The following TESC variants were observed in gnomAD, a reference collection of about 807,000 sequenced individuals.
TESC encodes calcineurin B homologous protein 3.
A neutral mutation model predicts 31.0 loss-of-function variants in TESC; 19 were observed. That is an observed-to-expected ratio of 0.61 (90% CI 0.43 to 0.90). The LOEUF (loss-of-function observed/expected upper bound fraction) is 0.90, where lower values mean the gene tolerates loss of function less well. TESC is among the 40% of genes least tolerant of loss of function. TESC has a pLI of 0.00. For missense variants in TESC, 248 were observed against 303.8 expected (o/e 0.82, Z 1.36); for synonymous variants, 109 against 114.8 (o/e 0.95, Z 0.32).
At chr12:117,090,031 C>CA (rs996237901) in intron 1 of TESC, among the ~76,000 whole-genome samples, 1 of 151,388 alleles carries the variant, frequency 6.6e-6, no homozygotes, top group Admixed American at 6.6e-5. Flanking sequence ...GCAACAAGAC[C>CA]AAAAACGAAT....
At chr12:117,065,251 G>T (rs1246262083) in intron 2 of TESC, among the ~76,000 whole-genome samples, 1 of 152,192 alleles carries the variant, frequency 6.6e-6, no homozygotes, top group Non-Finnish European at 1.5e-5. Flanking sequence ...TGTTGGGGTA[G>T]CCCAGGCCAG....
At chr12:117,070,652 T>C (rs150499085) in intron 2 of TESC, among the ~76,000 whole-genome samples, 30 of 152,150 alleles carry the variant, frequency 2.0e-4, no homozygotes, top group African/African-American at 6.8e-4. Context: ...CCTCCACTTA[T>C]GAGCTGTGTG....
intron 3 of TESC, among the ~76,000 whole-genome samples, chr12:117,053,740 G>A (rs147249965): frequency 2.5e-4 from 38 of 151,974 alleles, no homozygotes; most frequent in African/African-American, 6.8e-4. Context: ...TCTCGCGTGC[G>A]CGCGCACGCG....
intron 4 of TESC, among the ~76,000 whole-genome samples, chr12:117,047,071 C>G (rs1313259538): frequency 1.3e-5 from 2 of 152,220 alleles, no homozygotes; most frequent in Non-Finnish European, 2.9e-5. Flanking sequence ...ATGGGAATAA[C>G]AACAGTGTCT....
intron 2 of TESC, 25 bp from the exon 3 acceptor site, chr12:117,056,911 C>G: frequency 6.2e-7 from 1 of 1,611,476 alleles, no homozygotes; most frequent in Non-Finnish European, 8.5e-7. Flanking sequence ...GGAGAGATAC[C>G]GGGAAGAGAA....
chr12:117,095,096 G>A (rs545034511), intron 1 of TESC, among the ~76,000 whole-genome samples: 7 of 151,688 alleles, frequency 4.6e-5, no homozygotes, highest in Non-Finnish European at 7.4e-5. Context: ...TTTTTTGTGA[G>A]ATGGAGTTCA....
intron 2 of TESC, among the ~76,000 whole-genome samples, chr12:117,071,772 C>A (rs540503963): frequency 2.6e-5 from 4 of 152,152 alleles, no homozygotes; most frequent in Non-Finnish European, 5.9e-5. Flanking sequence ...GCAGGTGAGG[C>A]CTGGGAGGTA....
At chr12:117,063,561 C>T (rs1954828429) in intron 2 of TESC, among the ~76,000 whole-genome samples, 1 of 152,192 alleles carries the variant, frequency 6.6e-6, no homozygotes, top group African/African-American at 2.4e-5. Flanking sequence ...GCTCCCCAAC[C>T]CCCACCAACC....
chr12:117,090,309 A>G (rs1186709726), intron 1 of TESC, among the ~76,000 whole-genome samples: 1 of 152,264 alleles, frequency 6.6e-6, no homozygotes, highest in Non-Finnish European at 1.5e-5. Context: ...AAGGTCCCCA[A>G]TTATGAGCAC....
intron 6 of TESC, 67 bp from the exon 7 acceptor site, chr12:117,042,061 G>A (rs181131029): frequency 1.6e-5 from 24 of 1,500,882 alleles, no homozygotes; most frequent in South Asian, 1.2e-4. Context: ...GCAGGGGGAC[G>A]GTCCACTGGC....
At chr12:117,069,983 C>A (rs1248112224) in intron 2 of TESC, among the ~76,000 whole-genome samples, 1 of 152,180 alleles carries the variant, frequency 6.6e-6, no homozygotes, top group Non-Finnish European at 1.5e-5. Context: ...GAGGTGGCAC[C>A]CTCTCCCCCA....
intron 1 of TESC, among the ~76,000 whole-genome samples, chr12:117,090,312 AT>A (rs1390159951): frequency 6.6e-6 from 1 of 152,262 alleles, no homozygotes; most frequent in Non-Finnish European, 1.5e-5. Context: ...GTCCCCAATT[AT>A]GAGCACAAGG....
chr12:117,071,681 G>A (rs981765037), intron 2 of TESC, among the ~76,000 whole-genome samples: 2 of 152,202 alleles, frequency 1.3e-5, no homozygotes, highest in African/African-American at 4.8e-5. Flanking sequence ...AGGTCCTGGG[G>A]ATGGGTGTGC....
intron 3 of TESC, among the ~76,000 whole-genome samples, chr12:117,055,694 G>A (rs1954713044): frequency 6.6e-6 from 1 of 152,184 alleles, no homozygotes; most frequent in Non-Finnish European, 1.5e-5. Context: ...GCCATGCTGT[G>A]GGCAGCTCTC....
Position 117,078,260 on chromosome 12 carries a change from A to G in TESC, c.59-2920T>C, listed in dbSNP as rs114583512. On this transcript the variant is annotated intron_variant, in intron 1 of 7. Transcript: ENST00000335209. ...AGGTGGGCAGAGATCACTTGAGGTC[A>G]GGAGTCTGAGACCTGGCCAACATGA... Among the ~76,000 whole-genome samples the G allele has an allele frequency of 6.2e-4, 95 of 152,290 alleles. 1 individual carries two copies. Among genetic ancestry groups the G allele is most frequent in the African/African-American group, 2.1e-3 (89 of 41,564 alleles).
chr12:117,065,456 C>T (rs1470791503), intron 2 of TESC, among the ~76,000 whole-genome samples: 10 of 152,212 alleles, frequency 6.6e-5, no homozygotes, highest in African/African-American at 9.6e-5. Flanking sequence ...CACAGAGGAA[C>T]GGGGGACCTC....
intron 2 of TESC, among the ~76,000 whole-genome samples, chr12:117,062,521 C>G (rs1458174398): frequency 1.3e-5 from 2 of 152,200 alleles, no homozygotes; most frequent in East Asian, 3.8e-4. Flanking sequence ...TGCACCCGGC[C>G]TGTGCCCATT....
In TESC at chr12:117,056,339, G is replaced by A. The variant is rs1954724116; in HGVS notation, c.209+467C>T. Among the ~76,000 whole-genome samples the A allele has an allele frequency of 2.1e-5, 3 of 139,830 alleles. No homozygotes were observed. The South Asian group carries it at 8.2e-4, about 38-fold the overall frequency. 91.7% of individuals were successfully genotyped at this position (139,830 alleles called of 152,430 possible). A position where few individuals can be genotyped will look rare whatever the true frequency, so the allele number is the denominator to read the frequency against. On this transcript the variant is annotated intron_variant, in intron 3 of 7. Transcript: ENST00000335209. ...CCCAAAGTGCTGGGATTACAGGCGT[G>A]AGCCACTGTGCCCAGCCTTAAATTT...
intron 3 of TESC, among the ~76,000 whole-genome samples, chr12:117,051,331 T>G (rs953235560): frequency 7.9e-5 from 12 of 152,288 alleles, no homozygotes; most frequent in African/African-American, 2.6e-4. Context: ...ATTTTTCTCT[T>G]CCAGGAGATT....
Sources: allele counts gnomAD v4.1 joint callset (sites outside exome capture counted in the v4.1 genomes callset), GRCh38; gene constraint gnomAD v4.1.1; transcripts MANE v1.5; gene names NCBI Gene and HGNC (gene_info 2026-07-23, HGNC 2026-07-21).